CNOT4: variants seen among roughly 807,000 people sequenced by gnomAD.
CNOT4 encodes the protein CCR4-NOT transcription complex subunit 4.
A neutral mutation model predicts 73.8 loss-of-function variants in CNOT4; 8 were observed. The observed-to-expected ratio is 0.11, with a 90% CI of 0.06 to 0.20. The LOEUF (loss-of-function observed/expected upper bound fraction) is 0.20, where lower values mean the gene tolerates loss of function less well. CNOT4 is among the 10% of genes least tolerant of loss of function. The pLI is 1.00. For missense variants in CNOT4, 564 were observed against 883.4 expected (o/e 0.64, Z 4.58); for synonymous variants, 293 against 321.1 (o/e 0.91, Z 0.94).
At chr7:135,489,391 CTTTTTTTTTTTTT>C (rs71174525) in intron 1 of CNOT4, among the ~76,000 whole-genome samples, 1 of 84,746 alleles carries the variant, frequency 1.2e-5, no homozygotes, top group African/African-American at 4.8e-5. Context: ...AGTCACATTT[CTTTTTTTTTTTTT>C]TTTTTTTTTT....
At chr7:135,379,062 T>C (rs183088948) in intron 10 of CNOT4, among the ~76,000 whole-genome samples, 5 of 150,982 alleles carry the variant, frequency 3.3e-5, no homozygotes, top group African/African-American at 1.2e-4. Flanking sequence ...GAAAATCATA[T>C]AGGTAGTGTA....
intron 2 of CNOT4, among the ~76,000 whole-genome samples, chr7:135,435,525 A>C (rs573048377): frequency 6.6e-6 from 1 of 152,320 alleles, no homozygotes; most frequent in South Asian, 2.1e-4. Context: ...TTATAAGGAA[A>C]TATAATCTTT....
At chr7:135,443,705 T>C (rs1406920369) in intron 1 of CNOT4, among the ~76,000 whole-genome samples, 5 of 152,234 alleles carry the variant, frequency 3.3e-5, no homozygotes, top group Non-Finnish European at 7.3e-5. Flanking sequence ...ATAATGCTCC[T>C]GCATCACCAA....
chr7:135,508,322 G>T lies in CNOT4; in HGVS notation c.-93+1567C>A, dbSNP rs9690746. Among the ~76,000 whole-genome samples the T allele has an allele frequency of 1.2e-3, 189 of 152,246 alleles. 3 individuals are homozygous for T. Among genetic ancestry groups the T allele is most frequent in the African/African-American group, 4.0e-3 (168 of 41,546 alleles). The stretch of plus-strand genomic sequence containing the variant: ...CCATTAGTCAGTACATCTTAATTTT[G>T]CTTTCACCAAAACATGGACATCATA... On this transcript the variant is annotated intron_variant, in intron 1 of 11. Coordinates refer to ENST00000541284, the MANE Select transcript of CNOT4 (RefSeq NM_001190850.2).
chr7:135,380,302 AGTGGTTAT>A (rs905472806), intron 10 of CNOT4, among the ~76,000 whole-genome samples: 2 of 152,160 alleles, frequency 1.3e-5, no homozygotes, highest in African/African-American at 4.8e-5. Context: ...TCACCAGTCT[AGTGGTTAT>A]GTGTGTTGTC....
chr7:135,395,942 A>G, intron 8 of CNOT4, 59 bp from the exon 9 acceptor site: 3 of 1,266,132 alleles, frequency 2.4e-6, no homozygotes, highest in South Asian at 2.6e-5. Flanking sequence ...ATAAGCCACA[A>G]TTAAAAAGTT....
At chr7:135,478,435 C>T (rs1802137537) in intron 1 of CNOT4, among the ~76,000 whole-genome samples, 1 of 152,134 alleles carries the variant, frequency 6.6e-6, no homozygotes, top group Non-Finnish European at 1.5e-5. Context: ...GTTGAACAGT[C>T]CTTTAAATGA....
chr7:135,377,094 G>A (rs990429057), intron 10 of CNOT4, among the ~76,000 whole-genome samples: 7 of 152,090 alleles, frequency 4.6e-5, no homozygotes, highest in Non-Finnish European at 8.8e-5. Context: ...TTTTCAGATT[G>A]TTTTTAAAAT....
At chr7:135,440,236 AAG>A (rs1554435972) in intron 1 of CNOT4, among the ~76,000 whole-genome samples, 1 of 151,430 alleles carries the variant, frequency 6.6e-6, no homozygotes, top group African/African-American at 2.4e-5. Context: ...AAAAAAAAAA[AAG>A]AGACAAGAAA....
At chr7:135,473,603 C>T (rs1292837515) in intron 1 of CNOT4, among the ~76,000 whole-genome samples, 1 of 152,026 alleles carries the variant, frequency 6.6e-6, no homozygotes, top group Non-Finnish European at 1.5e-5. Context: ...AAAAATCAGC[C>T]AGGCATGACG....
chr7:135,498,099 C>G (rs984279199), intron 1 of CNOT4, among the ~76,000 whole-genome samples: 1 of 152,132 alleles, frequency 6.6e-6, no homozygotes, highest in East Asian at 1.9e-4. Context: ...AAGTAACAAC[C>G]TAGGTCTCAC....
At chr7:135,455,102 C>A (rs1800439455) in intron 1 of CNOT4, among the ~76,000 whole-genome samples, 1 of 151,678 alleles carries the variant, frequency 6.6e-6, no homozygotes, top group Non-Finnish European at 1.5e-5. Context: ...AAGGACAGGA[C>A]AGGACAGGAA....
chr7:135,503,953 G>A (rs1804171085), intron 1 of CNOT4, among the ~76,000 whole-genome samples: 1 of 151,988 alleles, frequency 6.6e-6, no homozygotes, highest in Non-Finnish European at 1.5e-5. Flanking sequence ...GAAAATAAAG[G>A]GGAAAAAAGG....
At chr7:135,373,472 C>T (rs947064287) in intron 10 of CNOT4, among the ~76,000 whole-genome samples, 3 of 152,162 alleles carry the variant, frequency 2.0e-5, no homozygotes, top group Admixed American at 6.5e-5. Flanking sequence ...GAGTTTTATC[C>T]CAGGCTCTTA....
chr7:135,416,715 C>T (rs1382179740), intron 3 of CNOT4, among the ~76,000 whole-genome samples: 1 of 152,144 alleles, frequency 6.6e-6, no homozygotes, highest in African/African-American at 2.4e-5. Flanking sequence ...GCATCAGCAT[C>T]ATAGGTTTAA....
chr7:135,440,262 C>A (rs1799397256), intron 1 of CNOT4, among the ~76,000 whole-genome samples: 1 of 144,980 alleles, frequency 6.9e-6, no homozygotes, highest in Admixed American at 6.9e-5. Flanking sequence ...ATAAGCAGTT[C>A]ACAGAAGAAT....
chr7:135,393,006 C>G (rs1796480860), intron 10 of CNOT4, among the ~76,000 whole-genome samples: 1 of 152,148 alleles, frequency 6.6e-6, no homozygotes, highest in Non-Finnish European at 1.5e-5. Flanking sequence ...ACTATTCTAA[C>G]AGAGTGAGAA....
At chr7:135,395,603 ATT>A (rs761946691) in intron 9 of CNOT4, 29 bp downstream of exon 9, 1 of 1,592,696 alleles carries the variant, frequency 6.3e-7, no homozygotes, top group Non-Finnish European at 8.6e-7. Flanking sequence ...TAAGAGCATA[ATT>A]ACTAATACTT....
intron 1 of CNOT4, among the ~76,000 whole-genome samples, chr7:135,495,733 AG>A (rs1803510595): frequency 7.5e-6 from 1 of 134,082 alleles, no homozygotes; most frequent in Non-Finnish European, 1.7e-5. Context: ...AAAGAAAGAA[AG>A]AAAGAAAGAA....
Sources: allele counts gnomAD v4.1 joint callset (sites outside exome capture counted in the v4.1 genomes callset), GRCh38; gene constraint gnomAD v4.1.1; transcripts MANE v1.5; gene names NCBI Gene and HGNC (gene_info 2026-07-23, HGNC 2026-07-21).